CPAMD8: variants seen among roughly 807,000 people sequenced by gnomAD.
CPAMD8 encodes the protein C3 and PZP-like alpha-2-macroglobulin domain-containing protein 8.
In CPAMD8, 146 loss-of-function variants were observed where a neutral mutation model predicts 224.7. The observed-to-expected ratio is 0.65, with a 90% CI of 0.57 to 0.75. The LOEUF (loss-of-function observed/expected upper bound fraction) is 0.75. Ranked by LOEUF, CPAMD8 falls within the 30% of genes least tolerant of loss-of-function variation. The probability of loss-of-function intolerance (pLI) is 0.00; values close to 1 mark genes in which losing one functional copy is unlikely to be tolerated. For synonymous variants in CPAMD8, 966 were observed against 1,044.6 expected, an observed-to-expected ratio of 0.92 and a Z score of 1.45; for missense variants, 2,301 against 2,537.5, an observed-to-expected ratio of 0.91 and a Z score of 2.00.
chr19:16,975,921 G>T, intron 16 of CPAMD8, 81 bp downstream of exon 16: 1 of 1,337,658 alleles, frequency 7.5e-7, no homozygotes, highest in Non-Finnish European at 9.8e-7. Context: ...TCATTTATTG[G>T]AATGAGAGAT....
At chr19:16,960,273 C>G (rs369110528) in intron 18 of CPAMD8, among the ~76,000 whole-genome samples, 96 of 152,018 alleles carry the variant, frequency 6.3e-4, no homozygotes, top group African/African-American at 2.2e-3. Context: ...ATCCTTTCAA[C>G]CATCAACACC....
chr19:16,974,462 G>A (rs953406719), intron 17 of CPAMD8, among the ~76,000 whole-genome samples: 1 of 151,640 alleles, frequency 6.6e-6, no homozygotes, highest in Non-Finnish European at 1.5e-5. Flanking sequence ...GTTAACCAAA[G>A]CCGAGGCAGA....
Position 17,021,129 on chromosome 19 carries a change from A to T in CPAMD8, c.245-776T>A, listed in dbSNP as rs562847145. Among the ~76,000 whole-genome samples, 5 of 152,276 alleles carry T rather than the reference A, an allele frequency of 3.3e-5. No individual in the cohort carries two copies. In the East Asian group the frequency reaches 9.6e-4, roughly 29 times the overall value. ...TAGGCCAATCAGAGGGAATCCTGGGACTTTATCCAGCCATCTTGGGAGACT... is the reference window on the plus strand; with the variant it reads ...TAGGCCAATCAGAGGGAATCCTGGGTCTTTATCCAGCCATCTTGGGAGACT... On this transcript the variant is annotated intron_variant, in intron 2 of 41. Coordinates refer to ENST00000443236, the MANE Select transcript of CPAMD8 (RefSeq NM_015692.5).
At chr19:16,930,322 T>C (rs1458182982) in intron 23 of CPAMD8, among the ~76,000 whole-genome samples, 1 of 151,480 alleles carries the variant, frequency 6.6e-6, no homozygotes, top group African/African-American at 2.4e-5. Flanking sequence ...AGACTTACCA[T>C]AAAGTGACAG....
chr19:16,973,468 C>G (rs2055136508), intron 17 of CPAMD8, among the ~76,000 whole-genome samples: 1 of 151,976 alleles, frequency 6.6e-6, no homozygotes, highest in Admixed American at 6.6e-5. Context: ...CCTGCCTTAG[C>G]CTCCCGAGTA....
chr19:17,019,935 T>C (rs893639147), intron 3 of CPAMD8, among the ~76,000 whole-genome samples: 6 of 151,438 alleles, frequency 4.0e-5, no homozygotes, highest in Middle Eastern at 3.2e-3. Context: ...ATTTCTCTTA[T>C]TCCATCCCAA....
At chr19:16,949,047 CGGGAGGGG>C (rs1012501125) in intron 20 of CPAMD8, among the ~76,000 whole-genome samples, 9 of 82,862 alleles carry the variant, frequency 1.1e-4, no homozygotes, top group African/African-American at 3.4e-4. Context: ...GAAGGAAGGA[CGGGAGGGG>C]GGGAGGGAGG....
At position 17,011,469 on chromosome 19, in the gene CPAMD8, C is replaced by T. The variant is rs768109479; in HGVS notation, c.481G>A (p.Glu161Lys). The T allele has an allele frequency of 2.5e-6, 4 of 1,614,116 alleles. No individual in the cohort carries two copies. The highest frequency in any genetic ancestry group is 2.7e-5 in the African/African-American group (2 of 74,934). ...GTTTTAGAAGCTGATCTCACCTTCTCGTTGACAGGCCTCAGATTTGGAGAG... is the reference window on the plus strand; with the variant it reads ...GTTTTAGAAGCTGATCTCACCTTCTTGTTGACAGGCCTCAGATTTGGAGAG... ...TVSPNLRPVN[E>K]KLEAYILDPR... is the part of the protein sequence containing the mutation. The change falls in exon 5 of 42, where the codon GAG (glutamate) becomes AAG (lysine). Residue 161 changes from glutamate to lysine, a missense_variant. Around this residue, in one of 4 missense-constraint regions of CPAMD8, gnomAD observed 283 missense variants for 340.6 expected, o/e 0.83. Transcript: ENST00000443236.
At chr19:17,012,173 C>T (rs537644459) in intron 3 of CPAMD8, among the ~76,000 whole-genome samples, 30 of 152,026 alleles carry the variant, frequency 2.0e-4, no homozygotes, top group Admixed American at 3.9e-4. Context: ...TGTGTGTCAC[C>T]ATGCCTGGCT....
intron 30 of CPAMD8, among the ~76,000 whole-genome samples, chr19:16,905,742 C>T (rs545522535): frequency 6.6e-6 from 1 of 152,202 alleles, no homozygotes; most frequent in Non-Finnish European, 1.5e-5. Flanking sequence ...CAGGTGGCAT[C>T]TTAATGCTTA....
At chr19:16,919,933 G>C (rs1385588843) in intron 27 of CPAMD8, among the ~76,000 whole-genome samples, 1 of 152,198 alleles carries the variant, frequency 6.6e-6, no homozygotes. Context: ...CATGGATCCA[G>C]GTTCTTAGAG....
intron 18 of CPAMD8, among the ~76,000 whole-genome samples, chr19:16,961,751 A>T (rs1407833186): frequency 6.6e-6 from 1 of 152,304 alleles, no homozygotes; most frequent in East Asian, 1.9e-4. Flanking sequence ...TAACTGGGAG[A>T]CACCTCCCAG....
At chr19:16,976,989 C>G (rs1019724412) in intron 15 of CPAMD8, among the ~76,000 whole-genome samples, 1 of 152,018 alleles carries the variant, frequency 6.6e-6, no homozygotes, top group African/African-American at 2.4e-5. Context: ...TTGCAGTGAG[C>G]CGAGATCGTG....
intron 19 of CPAMD8, among the ~76,000 whole-genome samples, chr19:16,956,331 T>G (rs932653562): frequency 6.6e-6 from 1 of 152,180 alleles, no homozygotes; most frequent in Non-Finnish European, 1.5e-5. Context: ...GGACTCAGCT[T>G]GGGCCCTACA....
intron 18 of CPAMD8, among the ~76,000 whole-genome samples, chr19:16,965,555 C>T (rs1337351987): frequency 3.3e-5 from 5 of 152,072 alleles, no homozygotes; most frequent in African/African-American, 1.2e-4. Flanking sequence ...TCAAATTGTC[C>T]CTGTTTGCAG....
At chr19:16,974,277 G>GC (rs1422694733) in intron 17 of CPAMD8, among the ~76,000 whole-genome samples, 2 of 151,866 alleles carry the variant, frequency 1.3e-5, no homozygotes, top group South Asian at 2.1e-4. Flanking sequence ...GACTACAGGC[G>GC]CCCCCTTAGC....
At chr19:16,961,769 C>T (rs1002083932) in intron 18 of CPAMD8, among the ~76,000 whole-genome samples, 1 of 152,294 alleles carries the variant, frequency 6.6e-6, no homozygotes, top group Admixed American at 6.5e-5. Flanking sequence ...CAGGAGGGGC[C>T]GACAAACACC....
chr19:16,917,670 A>C (rs1599695552), intron 27 of CPAMD8, among the ~76,000 whole-genome samples: 1 of 152,258 alleles, frequency 6.6e-6, no homozygotes, highest in Non-Finnish European at 1.5e-5. Flanking sequence ...GAGCCCAGAA[A>C]ATCAAGGCTG....
chr19:16,998,529 G>A (rs1324940261), intron 10 of CPAMD8, among the ~76,000 whole-genome samples: 1 of 152,120 alleles, frequency 6.6e-6, no homozygotes, highest in Non-Finnish European at 1.5e-5. Context: ...GCCCATTGGA[G>A]CAGATGTGTC....
Sources: gnomAD v4.1 joint callset for allele counts (sites outside exome capture counted in the v4.1 genomes callset) on GRCh38, gnomAD v4.1.1 for gene constraint, gnomAD v4.1.1 regional missense constraint, MANE v1.5 for transcripts, NCBI Gene and HGNC (gene_info 2026-07-23, HGNC 2026-07-21) for gene names.